Variants in ABHD14B observed in about 807,000 individuals in gnomAD.
The protein encoded by ABHD14B is putative protein-lysine deacylase ABHD14B.
Under a neutral mutation model 15.4 loss-of-function variants are expected in ABHD14B, and 19 were observed. The observed-to-expected ratio is 1.23, with a 90% confidence interval of 0.86 to 1.81. ABHD14B has a LOEUF of 1.81. Among genes scored for constraint, ABHD14B ranks in the 40% most tolerant of loss-of-function variants. The probability of loss-of-function intolerance (pLI) is 0.00; values close to 1 mark genes in which losing one functional copy is unlikely to be tolerated. For synonymous variants in ABHD14B, 92 were observed against 117.3 expected (o/e 0.78, Z 1.39); for missense variants, 243 against 267.0 (o/e 0.91, Z 0.63).
At position 51,969,371 on chromosome 3, in the gene ABHD14B, G is replaced by A; in HGVS notation, c.*55C>T. On this transcript the variant is annotated 3_prime_UTR_variant, in exon 4 of 4. Transcript: ENST00000361143. Reference sequence around the variant, plus strand: ...GAGCCTGGGAGAGAAGAGAGAGCGTGCAAGAGAGAGCTCAGAGCAGGCAGG... The same window carrying A: ...GAGCCTGGGAGAGAAGAGAGAGCGTACAAGAGAGAGCTCAGAGCAGGCAGG... The A allele has an allele frequency of 6.5e-7, 1 of 1,545,738 alleles. No individual in the cohort carries two copies. The highest frequency in any genetic ancestry group is 8.8e-7 in the Non-Finnish European group (1 of 1,142,768).
chr3:51,969,848 A>AC, intron 3 of ABHD14B, 95 bp downstream of exon 3: 1 of 1,603,992 alleles, frequency 6.2e-7, no homozygotes, highest in East Asian at 2.2e-5. Flanking sequence ...CCCAGAAGAC[A>AC]CCCCTTGATT....
Position 51,970,138 on chromosome 3 carries a change from C to A in ABHD14B, c.258G>T (p.Glu86Asp). 6.4e-7 allele frequency: 1 copy of A among 1,569,010 alleles called. No homozygotes were observed. Among genetic ancestry groups the A allele is most frequent in the Non-Finnish European group, 8.6e-7 (1 of 1,157,518 alleles). The change falls in exon 3 of 4, where the codon GAG becomes GAT. Residue 86 changes from glutamate to aspartate, a missense_variant. By Grantham distance (45) the Glu-to-Asp change is conservative. Transcript: ENST00000361143. Reference protein sequence around the residue: ...KEAAAPAPIGELAPGSFLAAV... With the variant: ...KEAAAPAPIGDLAPGSFLAAV... ...CCGCCAGGAAGCTGCCAGGGGCCAG[C>A]TCCCCAATAGGGGCAGGGGCTGCTG...
intron 2 of ABHD14B, chr3:51,970,884 T>C: frequency 2.2e-6 from 1 of 454,226 alleles, no homozygotes; most frequent in South Asian, 1.6e-5. Flanking sequence ...ATCTGGGTTA[T>C]GACAGGCAGT....
chr3:51,969,665 G>C, intron 3 of ABHD14B, 60 bp from the exon 4 acceptor site: 1 of 1,553,552 alleles, frequency 6.4e-7, no homozygotes, highest in Non-Finnish European at 8.7e-7. Context: ...AGCATCCCCA[G>C]CCCTCCCCAC....
chr3:51,974,618 G>A (rs1313859428), upstream of ABHD14B: 1 of 157,738 alleles, frequency 6.3e-6, no homozygotes, highest in Admixed American at 6.0e-5. Flanking sequence ...ACCAGGGCAG[G>A]CGCCATGAGT....
At position 51,973,973 on chromosome 3, in the gene ABHD14B, C is replaced by CTGCG. The variant is rs1229381515; in HGVS notation, c.-41_-38dup. The CTGCG allele has an allele frequency of 1.6e-6, 2 of 1,289,464 alleles. No individual in the cohort carries two copies. The highest frequency in any genetic ancestry group is 2.0e-6 in the Non-Finnish European group (2 of 988,864). 79.9% of individuals were successfully genotyped at this position (1,289,464 alleles called of 1,614,324 possible). A position where few individuals can be genotyped will look rare whatever the true frequency, so the allele number is the denominator to read the frequency against. ...GAGTGCAGGGCGGGTACCTGGGGAG[C>CTGCG]TGCGTGGACTCGCGCAGACGGGAAG... On this transcript the variant is annotated 5_prime_UTR_variant, in exon 1 of 4. Coordinates refer to ENST00000361143, the MANE Select transcript of ABHD14B (RefSeq NM_001146314.2).
intron 2 of ABHD14B, chr3:51,970,593 G>T (rs767564409): frequency 1.3e-5 from 6 of 467,112 alleles, no homozygotes; most frequent in Non-Finnish European, 2.6e-5. Context: ...AAAATTAACT[G>T]TGTGAAAGGC....
At chr3:51,972,873 T>A (rs1262371911) in intron 1 of ABHD14B, among the ~76,000 whole-genome samples, 4 of 152,098 alleles carry the variant, frequency 2.6e-5, no homozygotes, top group Non-Finnish European at 4.4e-5. Context: ...TTTTATTTTA[T>A]TTTATTCTAT....
rs755366698 is a variant in ABHD14B, at chr3:51,970,145, A to G, written c.251T>C (p.Ile84Thr). 7.7e-6 allele frequency: 12 copies of G among 1,563,740 alleles called. No individual in the cohort carries two copies. Among genetic ancestry groups the G allele is most frequent in the Admixed American group, 3.7e-5 (2 of 54,664 alleles). ...HSKEAAAPAP[I>T]GELAPGSFLA... ...GAAGCTGCCAGGGGCCAGCTCCCCA[A>G]TAGGGGCAGGGGCTGCTGCTTCCTT... The change falls in exon 3 of 4, where the codon ATT becomes ACT. Residue 84 changes from isoleucine to threonine, a missense_variant. By Grantham distance (89) the Ile-to-Thr change is moderately conservative (BLOSUM62 -1). Transcript: ENST00000361143.
At chr3:51,971,070 T>A (rs918567499) in intron 2 of ABHD14B, among the ~76,000 whole-genome samples, 16 of 152,252 alleles carry the variant, frequency 1.1e-4, no homozygotes, top group African/African-American at 3.6e-4. Flanking sequence ...TTACTTCCAA[T>A]TGGCTGAGCA....
At chr3:51,970,532 C>G in intron 2 of ABHD14B, 1 of 548,018 alleles carries the variant, frequency 1.8e-6, no homozygotes, top group South Asian at 1.5e-5. Flanking sequence ...CTCAGTTTCC[C>G]CATCTGTTAA....
At chr3:51,970,943 G>A (rs1700641613) in intron 2 of ABHD14B, among the ~76,000 whole-genome samples, 1 of 152,208 alleles carries the variant, frequency 6.6e-6, no homozygotes, top group African/African-American at 2.4e-5. Context: ...GGCTTTGCAT[G>A]TGGGATCACA....
rs1700721310 is a variant in ABHD14B at position 51,973,950 on chromosome 3, G to A, written c.-29+15C>T. ...GACTGGAGAGAAGAAAGGGTCAGGA[G>A]TGCAGGGCGGGTACCTGGGGAGCTG... On this transcript the variant is annotated intron_variant, in intron 1 of 3. Coordinates refer to ENST00000361143, the MANE Select transcript of ABHD14B (RefSeq NM_001146314.2). 7.8e-7 allele frequency: 1 copy of A among 1,289,796 alleles called. No individual in the cohort carries two copies. Among genetic ancestry groups the A allele is most frequent in the Non-Finnish European group, 1.0e-6 (1 of 988,874 alleles). 79.9% of individuals were successfully genotyped at this position (1,289,796 alleles called of 1,614,324 possible).
chr3:51,970,308 C>G, intron 2 of ABHD14B, 124 bp from the exon 3 acceptor site: 1 of 1,282,536 alleles, frequency 7.8e-7, no homozygotes. Context: ...CCTGTAACAC[C>G]CAGTGTGCCC....
chr3:51,971,506 G>A lies in ABHD14B; in HGVS notation c.165C>T (p.His55=). 2 of 1,611,498 alleles carry A rather than the reference G, an allele frequency of 1.2e-6. No individual in the cohort carries two copies. Among genetic ancestry groups the A allele is most frequent in the Non-Finnish European group, 1.7e-6 (2 of 1,178,612 alleles). ...SETWQNLGTL[H]RLAQAGYRAV... is the part of the protein sequence containing the mutation. ...CCCGGTAGCCAGCCTGGGCCAGCCT[G>A]TGCAGTGTACCCAGGTTCTGCCAGG... Residue 55 remains histidine (H), a synonymous_variant, in exon 2 of 4, where the codon CAC becomes CAT. Coordinates refer to ENST00000361143, the MANE Select transcript of ABHD14B (RefSeq NM_001146314.2).
Position 51,969,417 on chromosome 3 carries a change from T to G in ABHD14B, c.*9A>C. On this transcript the variant is annotated 3_prime_UTR_variant, in exon 4 of 4. Transcript: ENST00000361143. ...GCAGGCAGCCCACCCCCTGCAGCAG[T>G]GCTGGGCTTCACTGGAGCCCCTGCA... 1.2e-6 allele frequency: 2 copies of G among 1,606,702 alleles called. No individual in the cohort carries two copies. Among genetic ancestry groups the G allele is most frequent in the South Asian group, 2.2e-5 (2 of 90,222 alleles).
Position 51,973,985 on chromosome 3 carries a change from G to C in ABHD14B, c.-49C>G. On this transcript the variant is annotated 5_prime_UTR_variant, in exon 1 of 4. Coordinates refer to ENST00000361143, the MANE Select transcript of ABHD14B (RefSeq NM_001146314.2). ...GGTACCTGGGGAGCTGCGTGGACTCGCGCAGACGGGAAGCAGGCGCGTGCT... is the reference window on the plus strand; with the variant it reads ...GGTACCTGGGGAGCTGCGTGGACTCCCGCAGACGGGAAGCAGGCGCGTGCT... 1.6e-6 allele frequency: 2 copies of C among 1,289,458 alleles called. No homozygotes were observed. The highest frequency in any genetic ancestry group is 2.0e-6 in the Non-Finnish European group (2 of 988,848). The allele number at this position is 1,289,458 out of a possible 1,614,324, so 79.9% of individuals were successfully genotyped here.
rs751181609 is a variant in ABHD14B at position 51,973,990 on chromosome 3, G to A, written c.-54C>T. 5 of 1,289,442 alleles carry A rather than the reference G, an allele frequency of 3.9e-6. No homozygotes were observed. In the South Asian group the frequency reaches 4.9e-5, roughly 13 times the overall value. The allele number at this position is 1,289,442 out of a possible 1,614,324, so 79.9% of individuals were successfully genotyped here. A position where few individuals can be genotyped will look rare whatever the true frequency, so the allele number is the denominator to read the frequency against. ...CTGGGGAGCTGCGTGGACTCGCGCA[G>A]ACGGGAAGCAGGCGCGTGCTGGCGG... On this transcript the variant is annotated 5_prime_UTR_variant, in exon 1 of 4. Coordinates refer to ENST00000361143, the MANE Select transcript of ABHD14B (RefSeq NM_001146314.2).
rs1157807598 is a variant in ABHD14B at position 51,969,410 on chromosome 3, G to A, written c.*16C>T. On this transcript the variant is annotated 3_prime_UTR_variant, in exon 4 of 4. Transcript: ENST00000361143. ...AGAGCAGGCAGGCAGCCCACCCCCTGCAGCAGTGCTGGGCTTCACTGGAGC... is the reference window on the plus strand; with the variant it reads ...AGAGCAGGCAGGCAGCCCACCCCCTACAGCAGTGCTGGGCTTCACTGGAGC... 6.3e-7 allele frequency: 1 copy of A among 1,597,074 alleles called. No individual in the cohort carries two copies. Among genetic ancestry groups the A allele is most frequent in the South Asian group, 1.1e-5 (1 of 89,256 alleles).
Sources: allele counts gnomAD v4.1 joint callset (sites outside exome capture counted in the v4.1 genomes callset), GRCh38; gene constraint gnomAD v4.1.1; transcripts MANE v1.5; gene names NCBI Gene and HGNC (gene_info 2026-07-23, HGNC 2026-07-21).